The following PVT1 variants were observed in gnomAD, a reference collection of about 807,000 sequenced individuals.
PVT1 encodes the protein CXCR4/PVT1 fusion.
rs919390479 is a variant in PVT1 at position 127,836,335 on chromosome 8, C to T, written n.372+40264C>T. On this transcript the variant is annotated intron_variant and non_coding_transcript_variant, in intron 2 of 10. Coordinates refer to ENST00000651587, the Ensembl canonical transcript of PVT1. The stretch of plus-strand genomic sequence containing the variant: ...TATTTTACATTCCGAGGTACATGTG[C>T]AGGATGTGCAGATTTGTTGCATAGG... Among the ~76,000 whole-genome samples the T allele has an allele frequency of 1.4e-4, 21 of 152,178 alleles. No individual in the cohort carries two copies. The East Asian group carries it at 2.3e-3, about 17-fold the overall frequency.
At chr8:127,963,298 G>A (rs919227571) in intron 3 of PVT1, among the ~76,000 whole-genome samples, 1 of 152,196 alleles carries the variant, frequency 6.6e-6, no homozygotes, top group African/African-American at 2.4e-5. Flanking sequence ...TGGATGGTGC[G>A]GTCCACGGGG....
exon 6 of PVT1, chr8:128,096,639 C>G (rs914239258): frequency 1.3e-5 from 2 of 152,288 alleles, no homozygotes; most frequent in Non-Finnish European, 2.9e-5. Context: ...GAAGACCCAG[C>G]TTGGGGCTGT....
At position 127,919,042 on chromosome 8, in the gene PVT1, C is replaced by T. The variant is rs530988919; in HGVS notation, n.782+28044C>T. On this transcript the variant is annotated intron_variant and non_coding_transcript_variant, in intron 3 of 10. Transcript: ENST00000651587. ...ACACCCTTCTTCAGATGACCGCTGTCAGGTTGGTGAAGGCAGTGCGCGTTG... is the reference window on the plus strand; with the variant it reads ...ACACCCTTCTTCAGATGACCGCTGTTAGGTTGGTGAAGGCAGTGCGCGTTG... Among the ~76,000 whole-genome samples the T allele has an allele frequency of 5.9e-5, 9 of 152,220 alleles. No individual in the cohort carries two copies. The South Asian group carries it at 1.9e-3, about 32-fold the overall frequency.
intron 4 of PVT1, among the ~76,000 whole-genome samples, chr8:128,067,787 C>G (rs941707794): frequency 4.1e-4 from 62 of 152,192 alleles, no homozygotes; most frequent in African/African-American, 1.4e-3. Flanking sequence ...GGCCTCCCTG[C>G]TTGCAGGAAG....
intron 5 of PVT1, among the ~76,000 whole-genome samples, chr8:128,077,868 C>A (rs1814111282): frequency 6.6e-6 from 1 of 152,182 alleles, no homozygotes; most frequent in Non-Finnish European, 1.5e-5. Flanking sequence ...TCAACCTGAC[C>A]TATGATTCAC....
chr8:128,051,310 C>T (rs1260893938), intron 4 of PVT1, among the ~76,000 whole-genome samples: 2 of 152,212 alleles, frequency 1.3e-5, no homozygotes, highest in African/African-American at 2.4e-5. Flanking sequence ...TGACTGGGGA[C>T]TGGGGGAAGT....
chr8:127,874,937 G>GTGT lies in PVT1; in HGVS notation n.373-15652_373-15651insTGT, dbSNP rs1563627450. 1.8e-3 allele frequency among the ~76,000 whole-genome samples: 265 copies of GTGT among 145,948 alleles called. 1 individual carries two copies. The highest frequency in any genetic ancestry group is 6.4e-3 in the African/African-American group (242 of 37,750). ...GTGTGTGTGTGTGTGTGTGTGTGTG[G>GTGT]GTGTGTGGCCCTGGGCTGCACTGTG... is the stretch of plus-strand genomic sequence containing the variant. On this transcript the variant is annotated intron_variant and non_coding_transcript_variant, in intron 2 of 10. Coordinates refer to ENST00000651587, the Ensembl canonical transcript of PVT1.
At chr8:128,033,961 T>C (rs904920883) in intron 4 of PVT1, among the ~76,000 whole-genome samples, 1 of 152,096 alleles carries the variant, frequency 6.6e-6, no homozygotes, top group African/African-American at 2.4e-5. Context: ...GATTCCTGGG[T>C]GGCCAGAGTC....
At chr8:127,828,475 A>T (rs1245843632) in intron 2 of PVT1, among the ~76,000 whole-genome samples, 1 of 152,174 alleles carries the variant, frequency 6.6e-6, no homozygotes, top group Non-Finnish European at 1.5e-5. Flanking sequence ...TGGAAGCACA[A>T]GCCCTGTGTT....
At chr8:128,025,616 A>C (rs1817484058) in intron 4 of PVT1, among the ~76,000 whole-genome samples, 1 of 152,210 alleles carries the variant, frequency 6.6e-6, no homozygotes, top group South Asian at 2.1e-4. Flanking sequence ...GGGAAGATTT[A>C]AATTCGTGCA....
At chr8:127,872,680 G>A (rs201029967) in intron 2 of PVT1, among the ~76,000 whole-genome samples, 1 of 152,214 alleles carries the variant, frequency 6.6e-6, no homozygotes, top group East Asian at 1.9e-4. Flanking sequence ...TGTCATGCCT[G>A]TACTTTGGCA....
chr8:128,084,275 T>C (rs540358471), intron 5 of PVT1, among the ~76,000 whole-genome samples: 1 of 152,286 alleles, frequency 6.6e-6, no homozygotes, highest in Non-Finnish European at 1.5e-5. Flanking sequence ...TTATTCTACT[T>C]TCCACACTGG....
intron 3 of PVT1, among the ~76,000 whole-genome samples, chr8:127,892,095 T>A (rs535788140): frequency 6.6e-6 from 1 of 152,206 alleles, no homozygotes; most frequent in Admixed American, 6.5e-5. Flanking sequence ...AGACCACAGT[T>A]GGGGCGGGGC....
intron 2 of PVT1, among the ~76,000 whole-genome samples, chr8:127,859,440 C>G (rs1815195879): frequency 6.6e-6 from 1 of 152,170 alleles, no homozygotes; most frequent in Non-Finnish European, 1.5e-5. Context: ...GAACTCTGGT[C>G]TCTGTTTTTG....
At chr8:127,957,212 A>G (rs1162361253) in intron 3 of PVT1, among the ~76,000 whole-genome samples, 1 of 152,182 alleles carries the variant, frequency 6.6e-6, no homozygotes, top group Non-Finnish European at 1.5e-5. Context: ...AGCACTAGGA[A>G]AAGCACCATG....
intron 4 of PVT1, among the ~76,000 whole-genome samples, chr8:128,030,719 G>C (rs1317618969): frequency 6.6e-6 from 1 of 152,216 alleles, no homozygotes. Flanking sequence ...TCTGTTAATA[G>C]TTACTGAGTG....
At chr8:127,834,228 G>T (rs1040610346) in intron 2 of PVT1, among the ~76,000 whole-genome samples, 3 of 152,110 alleles carry the variant, frequency 2.0e-5, no homozygotes, top group Non-Finnish European at 2.9e-5. Context: ...CAGAGATATA[G>T]ACCAATGGAA....
chr8:128,002,165 A>G (rs1389775305), intron 4 of PVT1, among the ~76,000 whole-genome samples: 1 of 152,200 alleles, frequency 6.6e-6, no homozygotes, highest in Middle Eastern at 3.2e-3. Context: ...TGATTGCTGA[A>G]TGCATAAATG....
At chr8:128,056,559 A>G (rs1813765142) in intron 4 of PVT1, among the ~76,000 whole-genome samples, 1 of 152,112 alleles carries the variant, frequency 6.6e-6, no homozygotes, top group Admixed American at 6.5e-5. Context: ...TGTATTTGAG[A>G]AAATTTTATC....
Sources: allele counts gnomAD v4.1 joint callset (sites outside exome capture counted in the v4.1 genomes callset), GRCh38; gene constraint gnomAD v4.1.1; transcripts MANE v1.5; gene names NCBI Gene and HGNC (gene_info 2026-07-23, HGNC 2026-07-21).